Variants in TMEM8B observed in about 807,000 individuals in gnomAD.
The protein encoded by TMEM8B is nasopharyngeal carcinoma expressed 6.
A neutral mutation model predicts 49.3 loss-of-function variants in TMEM8B; 29 were observed. The ratio of observed to expected loss-of-function variants is 0.59; its 90% CI spans 0.44 to 0.80. TMEM8B has a LOEUF of 0.80. Ranked by LOEUF, TMEM8B falls within the 30% of genes least tolerant of loss-of-function variation. The pLI, the probability that TMEM8B is intolerant of heterozygous loss-of-function variation, is 0.00. For synonymous variants in TMEM8B, 264 were observed against 272.8 expected (o/e 0.97, Z 0.32); for missense variants, 575 against 658.5 (o/e 0.87, Z 1.39).
rs541641201 is a variant in TMEM8B, at chr9:35,842,810, C to A, written c.1635+93C>A. On this transcript the variant is annotated intron_variant, in intron 6 of 12. Transcript: ENST00000643932. The surrounding 1 kb of genome is among the most constrained non-coding windows in gnomAD (Gnocchi z 5.6). ...TGGGGTGTTTACCTCCTCCAGGAAG[C>A]CTGTCCAGGTTGCTCCCACCCATCC... The A allele has an allele frequency of 7.2e-7, 1 of 1,379,540 alleles. No individual in the cohort carries two copies. Among genetic ancestry groups the A allele is most frequent in the Non-Finnish European group, 9.7e-7 (1 of 1,035,984 alleles). 85.5% of individuals were successfully genotyped at this position (1,379,540 alleles called of 1,614,324 possible).
At position 35,862,483 on chromosome 9, in the gene TMEM8B, A is replaced by G. The variant is rs1037433954; in HGVS notation, c.*8643A>G. The stretch of plus-strand genomic sequence containing the variant: ...ATTTTTCTTTATCACTCACACCTCT[A>G]ACAGTAAGACCAAGTGGGCCTGGCG... On this transcript the variant is annotated 3_prime_UTR_variant, in exon 13 of 13. Transcript: ENST00000643932. 1 of 152,258 alleles carries G rather than the reference A, an allele frequency of 6.6e-6. No individual in the cohort carries two copies. The highest frequency in any genetic ancestry group is 6.5e-5 in the Admixed American group (1 of 15,280). The allele number at this position is 152,258 out of a possible 1,614,324, so 9.4% of individuals were successfully genotyped here.
intron 10 of TMEM8B, among the ~76,000 whole-genome samples, chr9:35,849,928 A>G (rs1047717430): frequency 6.6e-6 from 1 of 152,182 alleles, no homozygotes; most frequent in Non-Finnish European, 1.5e-5. Context: ...ATCTCAGAAG[A>G]CCCAGACAGA....
intron 10 of TMEM8B, among the ~76,000 whole-genome samples, chr9:35,849,966 C>G (rs1286862446): frequency 1.3e-5 from 2 of 152,234 alleles, no homozygotes; most frequent in Non-Finnish European, 2.9e-5. Context: ...GTGCAGGTGT[C>G]CTTGCTGATT....
At chr9:35,838,424 T>C (rs1334463005) in intron 3 of TMEM8B, among the ~76,000 whole-genome samples, 1 of 152,006 alleles carries the variant, frequency 6.6e-6, no homozygotes, top group African/African-American at 2.4e-5. Context: ...TGGCCTCTCC[T>C]CTGCTTGATC....
chr9:35,846,778 C>G, intron 9 of TMEM8B, 39 bp from the exon 10 acceptor site: 1 of 1,587,540 alleles, frequency 6.3e-7, no homozygotes, highest in Non-Finnish European at 8.6e-7. Context: ...CCATAGCTGC[C>G]GTCTGTTCTC....
intron 7 of TMEM8B, 44 bp downstream of exon 7, chr9:35,846,112 G>T: frequency 1.2e-6 from 2 of 1,611,494 alleles, no homozygotes; most frequent in Non-Finnish European, 8.5e-7. Flanking sequence ...CAGTGTGGGG[G>T]TGGTGGTGGC....
chr9:35,845,398 G>A, intron 6 of TMEM8B: 2 of 985,422 alleles, frequency 2.0e-6, no homozygotes, highest in Non-Finnish European at 2.4e-6. Flanking sequence ...ATGGCATCCT[G>A]TTGCCTTTAT....
rs897058951 is a variant in TMEM8B, at chr9:35,829,503, C to A, written c.56C>A (p.Pro19Gln). ...LVLSQSPPWPPAPPSPRFPHR... is the reference protein window; with the variant it reads ...LVLSQSPPWPQAPPSPRFPHR... ...CTATCCCAATCCCCGCCTTGGCCCC[C>A]AGCCCCGCCCTCGCCCCGCTTCCCA... Residue 19 changes from proline (P) to glutamine (Q), a missense_variant, in exon 1 of 13, where the codon CCA becomes CAA. Pro to Gln is a moderately conservative substitution (Grantham distance 76, BLOSUM62 -1). Coordinates refer to ENST00000643932, the MANE Select transcript of TMEM8B (RefSeq NM_001042590.4). 5.2e-6 allele frequency: 2 copies of A among 385,590 alleles called. No individual in the cohort carries two copies. Among genetic ancestry groups the A allele is most frequent in the Non-Finnish European group, 9.2e-6 (2 of 217,878 alleles). 23.9% of individuals were successfully genotyped at this position (385,590 alleles called of 1,614,324 possible).
intron 6 of TMEM8B, 21 bp from the exon 7 acceptor site, chr9:35,845,954 T>C (rs1588160384): frequency 1.2e-6 from 2 of 1,613,464 alleles, no homozygotes; most frequent in East Asian, 2.2e-5. Context: ...GCGGCCTCAC[T>C]TCCATACCTG....
chr9:35,842,752 C>A lies in TMEM8B; in HGVS notation c.1635+35C>A, dbSNP rs150138567. On this transcript the variant is annotated intron_variant, in intron 6 of 12. Transcript: ENST00000643932. This position sits in a 1 kb window ranked among gnomAD's most constrained non-coding sequence, Gnocchi z 5.6. ...ATGGAGAGTGGGGAGGTTGCTCTGC[C>A]AGGGAGCTTGAAGGGGAAGGTGTCA... 328 of 1,570,424 alleles carry A rather than the reference C, an allele frequency of 2.1e-4. No homozygotes were observed. Among genetic ancestry groups the A allele is most frequent in the Non-Finnish European group, 2.4e-4 (283 of 1,155,438 alleles).
intron 10 of TMEM8B, among the ~76,000 whole-genome samples, chr9:35,850,384 C>A (rs1165966413): frequency 6.6e-6 from 1 of 151,748 alleles, no homozygotes; most frequent in Non-Finnish European, 1.5e-5. Context: ...TTCTTAAATT[C>A]CCTGATTTTT....
At position 35,834,559 on chromosome 9, in the gene TMEM8B, G is replaced by T; in HGVS notation, c.607G>T (p.Glu203Ter). Reference sequence around the variant, plus strand: ...CGAGCTCTTCCACTTCCATGTTCCTGAGGACACATTCCTGGCTGTTTGGAA... The same window carrying T: ...CGAGCTCTTCCACTTCCATGTTCCTTAGGACACATTCCTGGCTGTTTGGAA... Reference protein sequence around the residue: ...STELFHFHVPEDTFLAVWNLI... With the variant: ...STELFHFHVP Residue 203 changes from glutamate (E) to a stop codon, truncating the protein, a stop_gained, in exon 2 of 13, where the codon GAG becomes TAG. Coordinates refer to ENST00000643932, the MANE Select transcript of TMEM8B (RefSeq NM_001042590.4). LOFTEE classifies it high-confidence loss of function. The T allele has an allele frequency of 2.4e-6, 1 of 416,394 alleles. No homozygotes were observed. The highest frequency in any genetic ancestry group is 4.4e-6 in the Non-Finnish European group (1 of 226,588). 25.8% of individuals were successfully genotyped at this position (416,394 alleles called of 1,614,324 possible).
chr9:35,836,249 C>T (rs1830436524), intron 3 of TMEM8B, among the ~76,000 whole-genome samples: 1 of 152,136 alleles, frequency 6.6e-6, no homozygotes, highest in East Asian at 1.9e-4. Flanking sequence ...TGTGGATGTG[C>T]AAGAGAACTC....
At chr9:35,831,787 T>A (rs1344368163) in intron 1 of TMEM8B, among the ~76,000 whole-genome samples, 1 of 152,232 alleles carries the variant, frequency 6.6e-6, no homozygotes, top group Non-Finnish European at 1.5e-5. Flanking sequence ...GTAATGAAGT[T>A]GGAAAAGAGT....
In TMEM8B at chr9:35,859,297, C is replaced by T; in HGVS notation, c.*5457C>T. Reference sequence around the variant, plus strand: ...GTGGAGAAGGCTTTGCACCGGCCTGCAGCAGAGGGTACCCTAAGGATGGCA... The same window carrying T: ...GTGGAGAAGGCTTTGCACCGGCCTGTAGCAGAGGGTACCCTAAGGATGGCA... On this transcript the variant is annotated 3_prime_UTR_variant, in exon 13 of 13. Transcript: ENST00000643932. 1 of 158,734 alleles carries T rather than the reference C, an allele frequency of 6.3e-6. No homozygotes were observed. The allele number at this position is 158,734 out of a possible 1,614,324, so 9.8% of individuals were successfully genotyped here.
rs541964654 is a variant in TMEM8B at position 35,857,056 on chromosome 9, T to C, written c.*3216T>C. On this transcript the variant is annotated 3_prime_UTR_variant, in exon 13 of 13. Transcript: ENST00000643932. The stretch of plus-strand genomic sequence containing the variant: ...AATACAGGGCTGTGGCTGGCAGATA[T>C]TGCTGTACCCTTGCATGTATCTGTA... The C allele has an allele frequency of 2.0e-5, 3 of 152,326 alleles. No individual in the cohort carries two copies. The highest frequency in any genetic ancestry group is 7.2e-5 in the African/African-American group (3 of 41,560). The allele number at this position is 152,326 out of a possible 1,614,324, so 9.4% of individuals were successfully genotyped here.
intron 3 of TMEM8B, 62 bp downstream of exon 3, chr9:35,835,280 C>T (rs962227654): frequency 7.3e-6 from 3 of 411,494 alleles, no homozygotes; most frequent in African/African-American, 6.2e-5. Context: ...GCTGAATTCC[C>T]CCCACAGGCT....
At chr9:35,846,782 T>A in intron 9 of TMEM8B, 35 bp from the exon 10 acceptor site, 2 of 1,592,564 alleles carry the variant, frequency 1.3e-6, no homozygotes, top group Non-Finnish European at 1.7e-6. Flanking sequence ...AGCTGCCGTC[T>A]GTTCTCTTCC....
At position 35,838,122 on chromosome 9, in the gene TMEM8B, C is replaced by T. The variant is rs529812296; in HGVS notation, c.906+2904C>T. ...TCTCAGCTGAGGTGGTTAGAATCTG[C>T]TAATAGTGCAGCTGCTTTTCCTCCT... On this transcript the variant is annotated intron_variant, in intron 3 of 12. Coordinates refer to ENST00000643932, the MANE Select transcript of TMEM8B (RefSeq NM_001042590.4). Among the ~76,000 whole-genome samples the T allele has an allele frequency of 2.6e-3, 400 of 152,290 alleles. 2 individuals carry two copies. The highest frequency in any genetic ancestry group is 4.5e-3 in the Non-Finnish European group (306 of 68,020).
Sources: allele counts gnomAD v4.1 joint callset (sites outside exome capture counted in the v4.1 genomes callset), GRCh38; gene constraint gnomAD v4.1.1; non-coding constraint Gnocchi (gnomAD v3.1); transcripts MANE v1.5; gene names NCBI Gene and HGNC (gene_info 2026-07-23, HGNC 2026-07-21).